Variants in LIMCH1 observed in about 807,000 individuals in gnomAD.
The protein encoded by LIMCH1 is LIM and calponin homology domains-containing protein 1.
In LIMCH1, 113 loss-of-function variants were observed where a neutral mutation model predicts 176.5. The observed-to-expected ratio is 0.64, with a 90% CI of 0.55 to 0.75. LIMCH1 has a LOEUF of 0.75. Ranked by LOEUF, LIMCH1 falls within the 30% of genes least tolerant of loss-of-function variation. LIMCH1 has a pLI of 0.00. For missense variants in LIMCH1, 1,674 were observed against 1,814.9 expected, an observed-to-expected ratio of 0.92 and a Z score of 1.41; for synonymous variants, 619 against 645.9, an observed-to-expected ratio of 0.96 and a Z score of 0.63.
chr4:41,374,606 G>C (rs1488987907), intron 1 of LIMCH1, among the ~76,000 whole-genome samples: 1 of 151,702 alleles, frequency 6.6e-6, no homozygotes, highest in Non-Finnish European at 1.5e-5. Context: ...ATGGTTGCAA[G>C]CAACAGAAAT....
At chr4:41,557,546 C>CTGTGTGTGTGTGTG (rs34757433) in intron 1 of LIMCH1, among the ~76,000 whole-genome samples, 1,880 of 147,812 alleles carry the variant, frequency 0.013, 32 homozygotes, top group African/African-American at 0.038. Context: ...TTTATTGCCT[C>CTGTGTGTGTGTGTG]TGTGTGTGTG....
intron 4 of LIMCH1, among the ~76,000 whole-genome samples, chr4:41,608,899 T>C (rs529476334): frequency 3.3e-5 from 5 of 152,176 alleles, no homozygotes; most frequent in Non-Finnish European, 7.3e-5. Context: ...TTTCTTCCTA[T>C]AGGCAAACAT....
At chr4:41,406,847 A>T (rs1013793859) in intron 1 of LIMCH1, among the ~76,000 whole-genome samples, 1 of 152,156 alleles carries the variant, frequency 6.6e-6, no homozygotes, top group Admixed American at 6.5e-5. Context: ...TCCAGCGTGG[A>T]TATGATTTTA....
At chr4:41,400,563 A>G (rs1387990595) in intron 1 of LIMCH1, among the ~76,000 whole-genome samples, 2 of 152,164 alleles carry the variant, frequency 1.3e-5, no homozygotes, top group African/African-American at 4.8e-5. Context: ...GGTAAGGAGA[A>G]TGGAGCCCTA....
intron 26 of LIMCH1, among the ~76,000 whole-genome samples, chr4:41,683,878 C>A (rs1305478767): frequency 6.6e-6 from 1 of 152,084 alleles, no homozygotes; most frequent in East Asian, 1.9e-4. Context: ...TTACAGAAAA[C>A]CTTTGACCTT....
At chr4:41,600,200 C>T (rs944702386) in intron 2 of LIMCH1, among the ~76,000 whole-genome samples, 3 of 151,996 alleles carry the variant, frequency 2.0e-5, no homozygotes, top group Non-Finnish European at 2.9e-5. Context: ...TTTAACTAAG[C>T]GAAAAAATAA....
At chr4:41,571,919 G>A (rs2152615905) in intron 1 of LIMCH1, among the ~76,000 whole-genome samples, 1 of 152,188 alleles carries the variant, frequency 6.6e-6, no homozygotes, top group South Asian at 2.1e-4. Flanking sequence ...TTCCTTGAGG[G>A]GTGCCTTATA....
chr4:41,663,132 T>C (rs1414007713), intron 20 of LIMCH1, 148 bp downstream of exon 20: 1 of 708,778 alleles, frequency 1.4e-6, no homozygotes, highest in East Asian at 2.8e-5. Flanking sequence ...GTTTTTCTTT[T>C]TCGTGTGTGT....
rs2304649 is a variant in LIMCH1 at position 41,662,630 on chromosome 4, A to G, written c.3128-191A>G. ...CGTGATTTGTGTTGCTTGTTGTTCA[A>G]TACCATGAAAGAGCTTTGGGAATTC... is the stretch of plus-strand genomic sequence containing the variant. On this transcript the variant is annotated intron_variant, in intron 19 of 31. Transcript: ENST00000503057. Among the ~76,000 whole-genome samples, 7,903 of 152,258 alleles carry G rather than the reference A, an allele frequency of 0.052. 438 individuals are homozygous for G. The highest frequency in any genetic ancestry group is 0.14 in the African/African-American group (5,836 of 41,510).
chr4:41,689,662 G>A, intron 30 of LIMCH1, 27 bp downstream of exon 30: 1 of 1,340,824 alleles, frequency 7.5e-7, no homozygotes, highest in Non-Finnish European at 1.1e-6. Flanking sequence ...TTGCTCTCCA[G>A]ACACAACTTC....
At chr4:41,605,013 G>GA (rs974491835) in intron 3 of LIMCH1, among the ~76,000 whole-genome samples, 1 of 152,090 alleles carries the variant, frequency 6.6e-6, no homozygotes, top group Non-Finnish European at 1.5e-5. Flanking sequence ...AGTGTGAAAA[G>GA]AAAATACTCA....
rs2062006171 is a variant in LIMCH1 at position 41,435,586 on chromosome 4, G to A, written c.97-58950G>A. Among the ~76,000 whole-genome samples the A allele has an allele frequency of 2.0e-5, 3 of 152,142 alleles. No individual in the cohort carries two copies. In the South Asian group the frequency reaches 6.2e-4, roughly 32 times the overall value. On this transcript the variant is annotated intron_variant, in intron 1 of 26. Transcript: ENST00000313860. ...AGCTACAATTTCTTTGCTCATTTGA[G>A]TGCAGAATAAAGCTAATAGAGTTCT...
intron 3 of LIMCH1, among the ~76,000 whole-genome samples, chr4:41,527,846 A>C (rs1190763635): frequency 1.3e-5 from 2 of 149,578 alleles, no homozygotes; most frequent in Admixed American, 6.6e-5. Context: ...AAAAAAAAAA[A>C]AAACTGCCCC....
intron 1 of LIMCH1, among the ~76,000 whole-genome samples, chr4:41,547,863 G>GTGTATA (rs774873739): frequency 1.6e-3 from 151 of 93,220 alleles, no homozygotes; most frequent in African/African-American, 5.3e-3. Context: ...TTGTGTGTGT[G>GTGTATA]TATATATATA....
chr4:41,610,750 T>G (rs1181007440), intron 4 of LIMCH1, among the ~76,000 whole-genome samples: 3 of 152,288 alleles, frequency 2.0e-5, no homozygotes, highest in African/African-American at 7.2e-5. Context: ...AGCCAATAGT[T>G]AAACCCAGCC....
intron 15 of LIMCH1, among the ~76,000 whole-genome samples, chr4:41,645,717 A>G (rs757140955): frequency 2.6e-5 from 4 of 152,204 alleles, no homozygotes; most frequent in Non-Finnish European, 5.9e-5. Flanking sequence ...ACTGCCTTCC[A>G]TGTGGAAACT....
chr4:41,459,287 C>CTCCCTCCCTCTGTCCCTTCCT (rs2065007630), intron 1 of LIMCH1, among the ~76,000 whole-genome samples: 1 of 151,864 alleles, frequency 6.6e-6, no homozygotes, highest in Non-Finnish European at 1.5e-5. Context: ...CCTTCCTTCC[C>CTCCCTCCCTCTGTCCCTTCCT]TCCCTCCCTC....
intron 1 of LIMCH1, among the ~76,000 whole-genome samples, chr4:41,376,987 G>A (rs1315384479): frequency 1.3e-5 from 2 of 152,084 alleles, no homozygotes; most frequent in Non-Finnish European, 2.9e-5. Context: ...AATCTGCTAC[G>A]AGCTCTTAAT....
chr4:41,687,774 CT>C (rs1452194320), intron 28 of LIMCH1, 65 bp from the exon 29 acceptor site: 5 of 964,246 alleles, frequency 5.2e-6, no homozygotes, highest in Non-Finnish European at 4.8e-6. Context: ...TCTAAAATGT[CT>C]TTTTTTAATG....
Sources: allele counts gnomAD v4.1 joint callset (sites outside exome capture counted in the v4.1 genomes callset), GRCh38; gene constraint gnomAD v4.1.1; transcripts MANE v1.5; gene names NCBI Gene and HGNC (gene_info 2026-07-23, HGNC 2026-07-21).